The following ZNF618 variants were observed in gnomAD, a reference collection of about 807,000 sequenced individuals.
ZNF618 encodes zinc finger protein 618.
A neutral mutation model predicts 103.0 loss-of-function variants in ZNF618; 34 were observed. The observed-to-expected ratio is 0.33, with a 90% CI of 0.25 to 0.44. The LOEUF is 0.44. ZNF618 is among the 20% of genes least tolerant of loss of function. ZNF618 has a pLI of 1.00. For synonymous variants in ZNF618, 551 were observed against 542.2 expected (o/e 1.02, Z -0.23); for missense variants, 1,059 against 1,295.4 (o/e 0.82, Z 2.80).
intron 1 of ZNF618, among the ~76,000 whole-genome samples, chr9:113,965,315 G>A (rs1281216533): frequency 2.0e-5 from 3 of 152,002 alleles, no homozygotes; most frequent in Non-Finnish European, 4.4e-5. Flanking sequence ...TTCTGGGTTT[G>A]GAATAATATT....
intron 3 of ZNF618, among the ~76,000 whole-genome samples, chr9:113,995,257 AT>A (rs1840459729): frequency 6.6e-6 from 1 of 151,580 alleles, no homozygotes; most frequent in African/African-American, 2.4e-5. Flanking sequence ...AAAAAAAAAA[AT>A]TTCCTGGGAT....
intron 6 of ZNF618, among the ~76,000 whole-genome samples, chr9:114,007,113 A>G (rs146801383): frequency 1.8e-3 from 276 of 152,332 alleles, no homozygotes; most frequent in Non-Finnish European, 3.3e-3. Context: ...TCAAGAGGCA[A>G]GGAGCCCTGG....
At chr9:114,038,825 C>T (rs1844863461) in intron 13 of ZNF618, among the ~76,000 whole-genome samples, 2 of 152,106 alleles carry the variant, frequency 1.3e-5, no homozygotes, top group African/African-American at 2.4e-5. Flanking sequence ...ATGATGAAAC[C>T]GAGGCTCAGA....
At chr9:114,001,819 C>T (rs1841234662) in intron 4 of ZNF618, among the ~76,000 whole-genome samples, 177 bp from the exon 5 acceptor site, 1 of 152,076 alleles carries the variant, frequency 6.6e-6, no homozygotes, top group Non-Finnish European at 1.5e-5. Flanking sequence ...GAGTGGAGGG[C>T]AAACCTGGAT....
At position 114,052,720 on chromosome 9, in the gene ZNF618, C is replaced by G. The variant is rs1471183196; in HGVS notation, c.*2553C>G. 6.6e-6 allele frequency: 1 copy of G among 152,220 alleles called. No individual in the cohort carries two copies. Among genetic ancestry groups the G allele is most frequent in the Non-Finnish European group, 1.5e-5 (1 of 68,044 alleles). The allele number at this position is 152,220 out of a possible 1,614,324, so 9.4% of individuals were successfully genotyped here. A position where few individuals can be genotyped will look rare whatever the true frequency, so the allele number is the denominator to read the frequency against. Reference sequence around the variant, plus strand: ...CAGAGCCTGGGAGCCCATCCTCCCTCTACTTGGAGCAAAGTTGTGCTGGTG... The same window carrying G: ...CAGAGCCTGGGAGCCCATCCTCCCTGTACTTGGAGCAAAGTTGTGCTGGTG... On this transcript the variant is annotated 3_prime_UTR_variant, in exon 15 of 15. Transcript: ENST00000374126.
At chr9:113,979,155 T>A (rs1838746693) in intron 2 of ZNF618, among the ~76,000 whole-genome samples, 2 of 152,064 alleles carry the variant, frequency 1.3e-5, no homozygotes, top group Admixed American at 1.3e-4. Flanking sequence ...GAGGGCAGAT[T>A]TGGAGTTCTA....
intron 3 of ZNF618, among the ~76,000 whole-genome samples, chr9:113,995,660 T>C (rs997675583): frequency 2.0e-5 from 3 of 152,192 alleles, no homozygotes; most frequent in Non-Finnish European, 4.4e-5. Context: ...CATCAGATGA[T>C]ATTTTTAATG....
At chr9:113,876,455 CG>C (rs1222139323) in intron 1 of ZNF618, 42 bp downstream of exon 1, 11 of 1,183,042 alleles carry the variant, frequency 9.3e-6, no homozygotes, top group Admixed American at 4.5e-5. Flanking sequence ...CGGGGGACCC[CG>C]GGGGGCCGGG....
At chr9:114,032,504 A>T (rs2116407) in intron 11 of ZNF618, 141 bp from the exon 12 acceptor site, 1 of 733,768 alleles carries the variant, frequency 1.4e-6, no homozygotes, top group Non-Finnish European at 2.4e-6. Context: ...TCCTGGGGAG[A>T]TCTGGCTTGA....
intron 1 of ZNF618, among the ~76,000 whole-genome samples, chr9:113,927,659 T>G (rs2418259): frequency 0.53 from 80,571 of 152,090 alleles, 21,577 homozygotes; most frequent in African/African-American, 0.55. Context: ...ACTAGAGGGG[T>G]TGGAGAAGGA....
chr9:113,994,693 C>T (rs564379320), intron 3 of ZNF618, among the ~76,000 whole-genome samples: 24 of 152,288 alleles, frequency 1.6e-4, no homozygotes, highest in Middle Eastern at 3.4e-3. Flanking sequence ...GGACAAAAAA[C>T]GTAAAACCAG....
chr9:113,894,218 C>G (rs559443395), intron 1 of ZNF618, among the ~76,000 whole-genome samples: 8 of 152,136 alleles, frequency 5.3e-5, no homozygotes, highest in Middle Eastern at 6.8e-3. Context: ...CTTCATCTTT[C>G]AAAATCTTAA....
At chr9:113,880,943 G>T (rs1828463887) in intron 1 of ZNF618, among the ~76,000 whole-genome samples, 1 of 152,178 alleles carries the variant, frequency 6.6e-6, no homozygotes, top group Non-Finnish European at 1.5e-5. Flanking sequence ...GGTGTCCTGT[G>T]CCACATATTT....
intron 3 of ZNF618, among the ~76,000 whole-genome samples, chr9:113,990,719 G>T (rs929206356): frequency 3.9e-5 from 6 of 152,276 alleles, no homozygotes; most frequent in Middle Eastern, 3.4e-3. Context: ...TCATTGGTTG[G>T]AACTAGTCAC....
At chr9:114,023,150 T>C (rs141555126) in intron 10 of ZNF618, among the ~76,000 whole-genome samples, 110 of 152,162 alleles carry the variant, frequency 7.2e-4, no homozygotes, top group Non-Finnish European at 1.3e-3. Flanking sequence ...ATGGTTAGAT[T>C]TAAGTTTACT....
chr9:114,033,556 G>A (rs1408644109), intron 12 of ZNF618, among the ~76,000 whole-genome samples: 5 of 152,210 alleles, frequency 3.3e-5, no homozygotes, highest in Admixed American at 6.5e-5. Context: ...GCCCCCTGAC[G>A]CCTGCCTCTT....
intron 9 of ZNF618, among the ~76,000 whole-genome samples, chr9:114,011,978 T>C (rs1842292443): frequency 6.6e-6 from 1 of 151,930 alleles, no homozygotes; most frequent in Non-Finnish European, 1.5e-5. Flanking sequence ...ATGTATGGGT[T>C]ACTTGATTTT....
At chr9:114,004,347 A>G (rs962145924) in intron 6 of ZNF618, among the ~76,000 whole-genome samples, 2 of 152,066 alleles carry the variant, frequency 1.3e-5, no homozygotes, top group African/African-American at 4.8e-5. Flanking sequence ...CCCCAGCCCC[A>G]GCCTCAGCCT....
intron 1 of ZNF618, among the ~76,000 whole-genome samples, chr9:113,915,859 G>A (rs2131543586): frequency 6.6e-6 from 1 of 152,290 alleles, no homozygotes; most frequent in African/African-American, 2.4e-5. Flanking sequence ...ATCCCCATGA[G>A]GGCACAGCCT....
Sources: allele counts gnomAD v4.1 joint callset (sites outside exome capture counted in the v4.1 genomes callset), GRCh38; gene constraint gnomAD v4.1.1; transcripts MANE v1.5; gene names NCBI Gene and HGNC (gene_info 2026-07-23, HGNC 2026-07-21).